TUSC3: variants seen among roughly 807,000 people sequenced by gnomAD.
The protein encoded by TUSC3 is tumor suppressor candidate 3.
In TUSC3, 45 loss-of-function variants were observed where a neutral mutation model predicts 44.8. The ratio of observed to expected loss-of-function variants is 1.00; its 90% confidence interval spans 0.79 to 1.29. The LOEUF (loss-of-function observed/expected upper bound fraction) is 1.29, where lower values mean the gene tolerates loss of function less well. Among genes scored for constraint, TUSC3 ranks in the 50% most tolerant of loss-of-function variants. The probability of loss-of-function intolerance (pLI) is 0.00; values close to 1 mark genes in which losing one functional copy is unlikely to be tolerated. For synonymous variants in TUSC3, 212 were observed against 152.9 expected (o/e 1.39, Z -2.85); for missense variants, 519 against 437.9 (o/e 1.19, Z -1.65).
intron 1 of TUSC3, among the ~76,000 whole-genome samples, chr8:15,454,332 C>A (rs766490522): frequency 6.6e-6 from 1 of 152,158 alleles, no homozygotes; most frequent in Non-Finnish European, 1.5e-5. Context: ...CTGCTTCAGC[C>A]TTATGCCCCT....
At chr8:15,455,175 A>G (rs148698586) in intron 1 of TUSC3, among the ~76,000 whole-genome samples, 4 of 152,258 alleles carry the variant, frequency 2.6e-5, no homozygotes, top group African/African-American at 9.6e-5. Flanking sequence ...GAGATCCTAG[A>G]AAAGTAAACA....
intron 1 of TUSC3, among the ~76,000 whole-genome samples, chr8:15,468,743 C>T (rs1800446773): frequency 6.6e-6 from 1 of 152,050 alleles, no homozygotes; most frequent in African/African-American, 2.4e-5. Context: ...GATATGAAAA[C>T]ATTCTTTATA....
rs1807330401 is a variant in TUSC3, at chr8:15,659,591, A to G, written c.511A>G (p.Ile171Val). 1 of 1,613,430 alleles carries G rather than the reference A, an allele frequency of 6.2e-7. No homozygotes were observed. Among genetic ancestry groups the G allele is most frequent in the East Asian group, 2.2e-5 (1 of 44,830 alleles). ...KRADTFDLQR[I>V]GFAAEQLAKW... The stretch of plus-strand genomic sequence containing the variant: ...AGCTGATACTTTTGACCTCCAAAGA[A>G]TTGGATTTGCAGCTGAGCAACTAGC... Residue 171 changes from isoleucine to valine, a missense_variant, in exon 4 of 11, where the codon ATT (isoleucine) becomes GTT (valine). Transcript: ENST00000503731.
At chr8:15,771,583 A>G (rs187851754), downstream of TUSC3, among the ~76,000 whole-genome samples, 908 of 152,322 alleles carry the variant, frequency 6.0e-3, 9 homozygotes, top group African/African-American at 0.021. Context: ...TCTAAATTAA[A>G]AACTCTACAG....
chr8:15,781,240 C>T, the TUSC3 span, among the ~76,000 whole-genome samples: 1 of 152,168 alleles, frequency 6.6e-6, no homozygotes, highest in Non-Finnish European at 1.5e-5. Flanking sequence ...AAATAAATCA[C>T]TCACTCTCGG....
intron 6 of TUSC3, among the ~76,000 whole-genome samples, chr8:15,712,589 A>G (rs374504553): frequency 2.6e-5 from 4 of 152,090 alleles, no homozygotes; most frequent in African/African-American, 9.6e-5. Flanking sequence ...GGACACTAAG[A>G]TTTCCTTCTC....
At chr8:15,719,506 CACACACACACCA>C (rs1394859112) in intron 6 of TUSC3, among the ~76,000 whole-genome samples, 1 of 48,744 alleles carries the variant, frequency 2.1e-5, no homozygotes, top group Non-Finnish European at 3.7e-5. Flanking sequence ...CACACACACA[CACACACACACCA>C]CACACACACA....
intron 6 of TUSC3, among the ~76,000 whole-genome samples, chr8:15,675,510 C>T (rs1046606379): frequency 5.3e-5 from 8 of 151,492 alleles, no homozygotes; most frequent in South Asian, 4.2e-4. Context: ...TACATTGGTA[C>T]ATTGCATAAT....
intron 7 of TUSC3, among the ~76,000 whole-genome samples, chr8:15,742,041 A>C (rs1189710387): frequency 2.0e-5 from 3 of 152,212 alleles, no homozygotes; most frequent in Non-Finnish European, 4.4e-5. Flanking sequence ...CTTTAAGAAT[A>C]ATGGATTTAA....
intron 8 of TUSC3, 99 bp from the exon 9 acceptor site, chr8:15,748,276 A>C: frequency 3.3e-6 from 3 of 905,760 alleles, no homozygotes; most frequent in Non-Finnish European, 5.6e-6. Flanking sequence ...GAACTGTTAA[A>C]TGTAAGTATA....
At chr8:15,552,591 A>G (rs1456787970) in intron 1 of TUSC3, among the ~76,000 whole-genome samples, 1 of 151,718 alleles carries the variant, frequency 6.6e-6, no homozygotes, top group African/African-American at 2.4e-5. Flanking sequence ...GCATATGAAA[A>G]AACACAGCAA....
At chr8:15,714,419 T>C (rs566651170) in intron 6 of TUSC3, among the ~76,000 whole-genome samples, 1 of 152,278 alleles carries the variant, frequency 6.6e-6, no homozygotes, top group South Asian at 2.1e-4. Context: ...CAGAAAGTGT[T>C]TGAATTATCA....
chr8:15,533,779 G>A (rs991267059), intron 2 of TUSC3, among the ~76,000 whole-genome samples: 13 of 152,196 alleles, frequency 8.5e-5, no homozygotes, highest in Admixed American at 7.2e-4. Context: ...TTTCTGTGTT[G>A]AGAAGTTTAC....
intron 1 of TUSC3, among the ~76,000 whole-genome samples, chr8:15,417,797 G>A (rs1481335562): frequency 6.6e-6 from 1 of 152,114 alleles, no homozygotes; most frequent in Non-Finnish European, 1.5e-5. Flanking sequence ...CCTGATTGGC[G>A]TTGGCTTATG....
chr8:15,626,271 T>C (rs1374515263), intron 2 of TUSC3, among the ~76,000 whole-genome samples: 1 of 152,086 alleles, frequency 6.6e-6, no homozygotes, highest in African/African-American at 2.4e-5. Flanking sequence ...AGCCAGACAG[T>C]CCCTGAAGCT....
At position 15,641,787 on chromosome 8, in the gene TUSC3, C is replaced by G. The variant is rs143306133; in HGVS notation, c.309-8910C>G. On this transcript the variant is annotated intron_variant, in intron 2 of 10. Coordinates refer to ENST00000503731, the MANE Select transcript of TUSC3 (RefSeq NM_006765.4). ...CTATGTTCTTTCTACTTGGCCACAT[C>G]ATAATAATAGGTGTAGTGTTACATT... 4.6e-3 allele frequency among the ~76,000 whole-genome samples: 699 copies of G among 152,264 alleles called. 5 individuals carry two copies. Among genetic ancestry groups the G allele is most frequent in the African/African-American group, 0.016 (646 of 41,558 alleles).
At chr8:15,478,823 T>A (rs114339047) in intron 1 of TUSC3, among the ~76,000 whole-genome samples, 7,178 of 152,168 alleles carry the variant, frequency 0.047, 197 homozygotes, top group Middle Eastern at 0.092. Context: ...GGTAAAATGG[T>A]ATTTCTGTTT....
intron 1 of TUSC3, among the ~76,000 whole-genome samples, chr8:15,595,656 G>A (rs1229327839): frequency 2.6e-5 from 4 of 152,244 alleles, no homozygotes; most frequent in Middle Eastern, 3.4e-3. Flanking sequence ...TATATTTGCT[G>A]TTGCTATTTC....
chr8:15,765,257 G>A lies in TUSC3; in HGVS notation c.*1101G>A, dbSNP rs116322709. On this transcript the variant is annotated 3_prime_UTR_variant, in exon 11 of 11. Coordinates refer to ENST00000503731, the MANE Select transcript of TUSC3 (RefSeq NM_006765.4). ...AGCCAAAAATAAAGTTTATAACCAG[G>A]CCTTCAAACTCTCAAACATGGATTT... 57 of 152,086 alleles carry A rather than the reference G, an allele frequency of 3.7e-4. No homozygotes were observed. Among genetic ancestry groups the A allele is most frequent in the African/African-American group, 1.3e-3 (56 of 41,536 alleles). 9.4% of individuals were successfully genotyped at this position (152,086 alleles called of 1,614,324 possible). A position where few individuals can be genotyped will look rare whatever the true frequency, so the allele number is the denominator to read the frequency against.
Sources: gnomAD v4.1 joint callset for allele counts (sites outside exome capture counted in the v4.1 genomes callset) on GRCh38, gnomAD v4.1.1 for gene constraint, MANE v1.5 for transcripts, NCBI Gene and HGNC (gene_info 2026-07-23, HGNC 2026-07-21) for gene names.